Variants in CCND3 observed in about 807,000 individuals in gnomAD.
The protein encoded by CCND3 is cyclin D3.
A neutral mutation model predicts 28.7 loss-of-function variants in CCND3; 9 were observed. The observed-to-expected ratio is 0.31, with a 90% confidence interval of 0.19 to 0.55. The LOEUF (loss-of-function observed/expected upper bound fraction) is 0.55, where lower values mean the gene tolerates loss of function less well. Among genes scored for constraint, CCND3 ranks in the 20% least tolerant of loss-of-function variants. The probability of loss-of-function intolerance (pLI) is 0.93; values close to 1 mark genes in which losing one functional copy is unlikely to be tolerated. For synonymous variants in CCND3, 164 were observed against 163.9 expected, an observed-to-expected ratio of 1.00 and a Z score of 0.00; for missense variants, 315 against 385.8, an observed-to-expected ratio of 0.82 and a Z score of 1.54.
intron 1 of CCND3, among the ~76,000 whole-genome samples, chr6:41,978,145 C>T (rs531624957): frequency 1.6e-4 from 24 of 151,900 alleles, no homozygotes; most frequent in African/African-American, 4.6e-4. Flanking sequence ...GAGGCCGAGA[C>T]GGGTGGATCA....
rs536258560 is a variant in CCND3 at position 41,958,000 on chromosome 6, C to CTTTTTTTTT, written c.-45-17424_-45-17416dup. Among the ~76,000 whole-genome samples the CTTTTTTTTT allele has an allele frequency of 2.4e-5, 3 of 127,020 alleles. 1 individual carries two copies. Among genetic ancestry groups the CTTTTTTTTT allele is most frequent in the Non-Finnish European group, 4.8e-5 (3 of 63,106 alleles). The allele number at this position is 127,020 out of a possible 152,430, so 83.3% of individuals were successfully genotyped here. A position where few individuals can be genotyped will look rare whatever the true frequency, so the allele number is the denominator to read the frequency against. On this transcript the variant is annotated intron_variant, in intron 1 of 4. Transcript: ENST00000372988. ...AAACTTTACCTTACTTTATCTTTAT[C>CTTTTTTTTT]TTTTTTTTTTTTTTTTGAGACAGAA...
chr6:42,037,186 C>T (rs1446807936), intron 1 of CCND3, among the ~76,000 whole-genome samples: 1 of 151,900 alleles, frequency 6.6e-6, no homozygotes, highest in Non-Finnish European at 1.5e-5. Context: ...GTGATCCACC[C>T]GCCTTGGCCT....
At position 41,940,971 on chromosome 6, in the gene CCND3, C is replaced by T. The variant is rs774198305; in HGVS notation, c.199-386G>A. ...ACACACCCGAGGGGAAGGGAGGAGG[C>T]TCCTGCCGCTGCCTCCTGCACTTTT... On this transcript the variant is annotated intron_variant, in intron 1 of 4. Coordinates refer to ENST00000372991, the MANE Select transcript of CCND3 (RefSeq NM_001760.5). The T allele has an allele frequency of 2.5e-6, 4 of 1,612,962 alleles. No individual in the cohort carries two copies. In the East Asian group the frequency reaches 8.9e-5, roughly 36 times the overall value.
intron 1 of CCND3, among the ~76,000 whole-genome samples, chr6:42,005,137 G>GCTGA (rs1356010934): frequency 6.6e-6 from 1 of 152,162 alleles, no homozygotes; most frequent in Non-Finnish European, 1.5e-5. Flanking sequence ...GAGCATATAT[G>GCTGA]CTGACACCTT....
intron 1 of CCND3, among the ~76,000 whole-genome samples, chr6:41,974,785 C>T (rs1328877432): frequency 7.1e-6 from 1 of 141,656 alleles, no homozygotes; most frequent in Admixed American, 8.0e-5. Context: ...GTCAATTCCC[C>T]ACAGTTCTTT....
intron 1 of CCND3, among the ~76,000 whole-genome samples, chr6:42,012,460 A>G (rs542230234): frequency 4.2e-4 from 61 of 146,808 alleles, no homozygotes; most frequent in Non-Finnish European, 7.5e-4. Context: ...AAAATTAGCC[A>G]GGTGTGATGG....
chr6:42,008,717 A>G (rs1340381384), intron 1 of CCND3, among the ~76,000 whole-genome samples: 1 of 152,160 alleles, frequency 6.6e-6, no homozygotes, highest in African/African-American at 2.4e-5. Context: ...TTATGTATAT[A>G]TTCGGTTATG....
In CCND3 at chr6:41,936,355, C is replaced by A; in HGVS notation, c.711+204G>T. 1 of 686,964 alleles carries A rather than the reference C, an allele frequency of 1.5e-6. No individual in the cohort carries two copies. The highest frequency in any genetic ancestry group is 2.4e-6 in the Non-Finnish European group (1 of 418,064). The allele number at this position is 686,964 out of a possible 1,614,324, so 42.6% of individuals were successfully genotyped here. A position where few individuals can be genotyped will look rare whatever the true frequency, so the allele number is the denominator to read the frequency against. The stretch of plus-strand genomic sequence containing the variant: ...AGCACACCACTTGGCAAGAAAAGAA[C>A]CCCTAGGGCCAGTGCCCTTCACCCC... On this transcript the variant is annotated intron_variant, in intron 4 of 4. Coordinates refer to ENST00000372991, the MANE Select transcript of CCND3 (RefSeq NM_001760.5). The surrounding 1 kb of genome is among the most constrained non-coding windows in gnomAD (Gnocchi z 4.4).
chr6:42,044,760 TTTTC>T (rs1479036537), intron 1 of CCND3, among the ~76,000 whole-genome samples: 2 of 150,598 alleles, frequency 1.3e-5, no homozygotes, highest in Non-Finnish European at 3.0e-5. Context: ...CTTGGCTATC[TTTTC>T]TTTCTTTTCT....
chr6:42,033,298 A>G, intron 1 of CCND3, among the ~76,000 whole-genome samples: 1 of 151,522 alleles, frequency 6.6e-6, no homozygotes. Flanking sequence ...CAAAAACACA[A>G]AGTTAGCCGA....
chr6:42,034,270 C>A (rs1205345109), intron 1 of CCND3, among the ~76,000 whole-genome samples: 1 of 150,988 alleles, frequency 6.6e-6, no homozygotes, highest in Non-Finnish European at 1.5e-5. Context: ...GTCTCAGCCT[C>A]CCTAGTAGCT....
intron 1 of CCND3, among the ~76,000 whole-genome samples, chr6:41,953,655 C>T (rs1005157912): frequency 6.6e-6 from 1 of 151,966 alleles, no homozygotes; most frequent in Non-Finnish European, 1.5e-5. Flanking sequence ...TTGAGCTATC[C>T]GGTGGTCTTG....
chr6:42,046,098 C>T (rs1764534675), intron 1 of CCND3, among the ~76,000 whole-genome samples: 1 of 152,244 alleles, frequency 6.6e-6, no homozygotes, highest in African/African-American at 2.4e-5. Flanking sequence ...GCCCCCAACA[C>T]ACATCCCTTT....
intron 1 of CCND3, among the ~76,000 whole-genome samples, chr6:42,047,139 G>A (rs1435588570): frequency 6.6e-6 from 1 of 152,160 alleles, no homozygotes; most frequent in Non-Finnish European, 1.5e-5. Flanking sequence ...TGAGGGAAGG[G>A]GAAGCCGGAA....
At chr6:41,959,931 G>A (rs949572657) in intron 1 of CCND3, among the ~76,000 whole-genome samples, 2 of 148,866 alleles carry the variant, frequency 1.3e-5, no homozygotes, top group Non-Finnish European at 3.0e-5. Flanking sequence ...ACTCCAACCT[G>A]GGCAACAGAG....
At chr6:42,000,234 CT>C (rs70987562) in intron 1 of CCND3, among the ~76,000 whole-genome samples, 76 of 51,026 alleles carry the variant, frequency 1.5e-3, no homozygotes, top group African/African-American at 6.1e-3. Flanking sequence ...TGAAAACATA[CT>C]TTTTTTTTTT....
At position 41,941,443 on chromosome 6, in the gene CCND3, G is replaced by C. The variant is rs371124796; in HGVS notation, c.198+9C>G. On this transcript the variant is annotated intron_variant, in intron 1 of 4. Coordinates refer to ENST00000372991, the MANE Select transcript of CCND3 (RefSeq NM_001760.5). This position sits in a 1 kb window ranked among gnomAD's most constrained non-coding sequence, Gnocchi z 6.1. ...AGCGGTGGGGGAGGGGGACGCGTCC[G>C]GGCGGTACCTCCAGCATCCAGTAAG... is the stretch of plus-strand genomic sequence containing the variant. The C allele has an allele frequency of 2.1e-5, 33 of 1,607,154 alleles. No individual in the cohort carries two copies. The African/African-American group carries it at 4.3e-4, about 21-fold the overall frequency.
chr6:41,962,186 C>A (rs971439870), intron 1 of CCND3, among the ~76,000 whole-genome samples: 1 of 152,048 alleles, frequency 6.6e-6, no homozygotes, highest in Non-Finnish European at 1.5e-5. Flanking sequence ...CTGCAACCTC[C>A]GCCTCCCAGG....
At chr6:42,031,522 A>G (rs1481028095) in intron 1 of CCND3, 1 of 152,170 alleles carries the variant, frequency 6.6e-6, no homozygotes, top group African/African-American at 2.4e-5. Context: ...AGATGCTATT[A>G]AAGTAAGAAG....
Sources: allele counts gnomAD v4.1 joint callset (sites outside exome capture counted in the v4.1 genomes callset), GRCh38; gene constraint gnomAD v4.1.1; non-coding constraint Gnocchi (gnomAD v3.1); transcripts MANE v1.5; gene names NCBI Gene and HGNC (gene_info 2026-07-23, HGNC 2026-07-21).